The following CAPN8 variants were observed in gnomAD, a reference collection of about 807,000 sequenced individuals.
CAPN8 encodes the protein calpain-8.
Under a neutral mutation model 80.9 loss-of-function variants are expected in CAPN8, and 87 were observed. The observed-to-expected ratio is 1.07, with a 90% CI of 0.90 to 1.28. The LOEUF (loss-of-function observed/expected upper bound fraction) is 1.28. Among genes scored for constraint, CAPN8 ranks in the 50% most tolerant of loss-of-function variants. The probability of loss-of-function intolerance (pLI) is 0.00; values close to 1 mark genes in which losing one functional copy is unlikely to be tolerated. For synonymous variants in CAPN8, 299 were observed against 273.8 expected, an observed-to-expected ratio of 1.09 and a Z score of -0.91; for missense variants, 757 against 702.0, an observed-to-expected ratio of 1.08 and a Z score of -0.89.
intron 2 of CAPN8, among the ~76,000 whole-genome samples, chr1:223,638,874 A>T (rs1293840551): frequency 6.6e-6 from 1 of 152,200 alleles, no homozygotes. Context: ...GAACCTACAA[A>T]TGTACCTCAG....
intron 2 of CAPN8, among the ~76,000 whole-genome samples, chr1:223,629,226 G>A (rs901222354): frequency 2.0e-5 from 3 of 150,636 alleles, no homozygotes; most frequent in South Asian, 2.1e-4. Flanking sequence ...GTGTGTGTGT[G>A]TGTGTTTATG....
intron 7 of CAPN8, 68 bp from the exon 8 acceptor site, chr1:223,620,334 C>T: frequency 3.7e-6 from 5 of 1,356,898 alleles, no homozygotes; most frequent in Non-Finnish European, 4.1e-6. Flanking sequence ...CTGTTTACTG[C>T]AGCTAAGCTT....
At chr1:223,622,444 G>GC (rs1657426227) in intron 7 of CAPN8, among the ~76,000 whole-genome samples, 1 of 152,170 alleles carries the variant, frequency 6.6e-6, no homozygotes, top group South Asian at 2.1e-4. Context: ...GAGGGGTTTG[G>GC]CCTTTGTCAG....
intron 2 of CAPN8, among the ~76,000 whole-genome samples, chr1:223,638,577 A>G (rs1657970107): frequency 1.3e-5 from 2 of 152,074 alleles, no homozygotes; most frequent in African/African-American, 4.8e-5. Flanking sequence ...TTCTTTGCTG[A>G]TAAGGAACAA....
At chr1:223,609,031 C>A (rs1313482599) in intron 12 of CAPN8, 122 bp downstream of exon 12, 2 of 396,260 alleles carry the variant, frequency 5.0e-6, no homozygotes, top group Middle Eastern at 6.2e-4. Context: ...CTTGTAGTTT[C>A]TTAGAGGCTT....
At position 223,544,804 on chromosome 1, in the gene CAPN8, G is replaced by T; in HGVS notation, c.1880C>A (p.Ala627Asp). ...TDYNHSGTID[A>D]HEMRTALRKA... The stretch of plus-strand genomic sequence containing the variant: ...CCTGAGGGCTGTCCTCATCTCGTGG[G>T]CATCGATGGTGCCCGAGTGGTTATA... The change falls in exon 18 of 21, where the codon GCC (alanine) becomes GAC (aspartate). Residue 627 changes from alanine (A) to aspartate (D), a missense_variant. Coordinates refer to ENST00000366872, the MANE Select transcript of CAPN8 (RefSeq NM_001143962.2). The T allele has an allele frequency of 6.4e-7, 1 of 1,551,692 alleles. No individual in the cohort carries two copies.
At position 223,551,016 on chromosome 1, in the gene CAPN8, TC is replaced by T; in HGVS notation, c.1642del (p.Asp548IlefsTer13). On this transcript the variant is annotated frameshift_variant and splice_region_variant, in exon 15 of 21. Coordinates refer to ENST00000366872, the MANE Select transcript of CAPN8 (RefSeq NM_001143962.2). LOFTEE classifies it high-confidence loss of function. ...GAGTGCATTGGCAGTAATCTCAGAA[TC>T]CTAGAAAGAGGAACCCAAATGCAAA... The part of the protein sequence containing the change: ...RRLFEKLAGK[D>X]SEITANALKI... 1.4e-6 allele frequency: 1 copy of T among 718,130 alleles called. No individual in the cohort carries two copies. Among genetic ancestry groups the T allele is most frequent in the Non-Finnish European group, 2.6e-6 (1 of 384,980 alleles). The allele number at this position is 718,130 out of a possible 1,614,324, so 44.5% of individuals were successfully genotyped here. A position where few individuals can be genotyped will look rare whatever the true frequency, so the allele number is the denominator to read the frequency against.
intron 2 of CAPN8, among the ~76,000 whole-genome samples, chr1:223,645,172 C>G (rs1425778937): frequency 6.6e-6 from 1 of 152,132 alleles, no homozygotes; most frequent in Non-Finnish European, 1.5e-5. Flanking sequence ...TGTTCAAGGG[C>G]AGGAAGCATC....
At chr1:223,632,609 A>G (rs1266008107) in intron 2 of CAPN8, among the ~76,000 whole-genome samples, 1 of 152,068 alleles carries the variant, frequency 6.6e-6, no homozygotes, top group Non-Finnish European at 1.5e-5. Flanking sequence ...GCCTCAAGCA[A>G]TCCTCCCACC....
intron 9 of CAPN8, chr1:223,618,277 G>A (rs1425354043): frequency 6.4e-7 from 1 of 1,550,586 alleles, no homozygotes; most frequent in Non-Finnish European, 8.7e-7. Flanking sequence ...CAACCTAGGA[G>A]GAGCCTACAC....
intron 9 of CAPN8, chr1:223,618,202 A>G (rs1482627042): frequency 6.5e-7 from 1 of 1,548,868 alleles, no homozygotes; most frequent in African/African-American, 1.4e-5. Context: ...GCTTTTCTTC[A>G]TTTCTCCTTA....
At chr1:223,638,799 T>G (rs1657975239) in intron 2 of CAPN8, among the ~76,000 whole-genome samples, 2 of 152,156 alleles carry the variant, frequency 1.3e-5, no homozygotes, top group Admixed American at 1.3e-4. Flanking sequence ...TCCTAATCCA[T>G]TCACCCCGTT....
At chr1:223,656,668 G>GTTGTTTTTT (rs1658497061) in intron 1 of CAPN8, among the ~76,000 whole-genome samples, 1 of 94,798 alleles carries the variant, frequency 1.1e-5, no homozygotes, top group African/African-American at 3.7e-5. Flanking sequence ...CACGTTTTGG[G>GTTGTTTTTT]TTTTTTTGTT....
chr1:223,625,832 A>G lies in CAPN8; in HGVS notation c.786T>C (p.His262=), dbSNP rs756390244. The G allele has an allele frequency of 1.9e-6, 3 of 1,551,506 alleles. No homozygotes were observed. Among genetic ancestry groups the G allele is most frequent in the South Asian group, 2.4e-5 (2 of 84,038 alleles). The change falls in exon 6 of 21, where the codon CAT becomes CAC. Residue 262 remains histidine (H), a synonymous_variant. Coordinates refer to ENST00000366872, the MANE Select transcript of CAPN8 (RefSeq NM_001143962.2). Reference sequence around the variant, plus strand: ...CTTCGACTCCAGTGACAGAGTACGCATGACTCTTAACCAGCTTCTGGCTGG... The same window carrying G: ...CTTCGACTCCAGTGACAGAGTACGCGTGACTCTTAACCAGCTTCTGGCTGG... The part of the protein sequence containing the change: ...AITSQKLVKS[H]AYSVTGVEEV...
In CAPN8 at chr1:223,665,497, C is replaced by T; in HGVS notation, c.150G>A (p.Glu50=). 1 of 1,551,880 alleles carries T rather than the reference C, an allele frequency of 6.4e-7. No individual in the cohort carries two copies. Among genetic ancestry groups the T allele is most frequent in the Non-Finnish European group, 8.7e-7 (1 of 1,147,018 alleles). The change falls in exon 1 of 21, where the codon GAG becomes GAA. Residue 50 remains glutamate (E), a synonymous_variant. Coordinates refer to ENST00000366872, the MANE Select transcript of CAPN8 (RefSeq NM_001143962.2). Reference sequence around the variant, plus strand: ...CCAAAGCTGATGGACATGCTGGGAACTCAGGGTCCTTAAATAGGACCCCTG... The same window carrying T: ...CCAAAGCTGATGGACATGCTGGGAATTCAGGGTCCTTAAATAGGACCCCTG... ...LDSGVLFKDP[E]FPACPSALGY... is the part of the protein sequence containing the mutation.
intron 7 of CAPN8, 70 bp from the exon 8 acceptor site, chr1:223,620,336 G>A: frequency 7.4e-7 from 1 of 1,344,168 alleles, no homozygotes; most frequent in South Asian, 1.3e-5. Flanking sequence ...GTTTACTGCA[G>A]CTAAGCTTCC....
In CAPN8 at chr1:223,628,764, C is replaced by A; in HGVS notation, c.324G>T (p.Leu108=). The stretch of plus-strand genomic sequence containing the variant: ...TCAGGGTCAGGGAGGCAATGGCAGC[C>A]AGAAGCCAGCAGTCACCTGCACAGT... ...CQGGLGDCWL[L]AAIASLTLNE... is the part of the protein sequence containing the mutation. The change falls in exon 3 of 21, where the codon CTG becomes CTT. Residue 108 remains leucine, a synonymous_variant. Transcript: ENST00000366872. 3.2e-6 allele frequency: 5 copies of A among 1,554,574 alleles called. No homozygotes were observed. Among genetic ancestry groups the A allele is most frequent in the Non-Finnish European group, 4.4e-6 (5 of 1,148,838 alleles).
intron 2 of CAPN8, among the ~76,000 whole-genome samples, chr1:223,647,377 A>G (rs1440916096): frequency 6.6e-6 from 1 of 152,222 alleles, no homozygotes; most frequent in Non-Finnish European, 1.5e-5. Context: ...TGTAAAATGC[A>G]GATTTACTAA....
chr1:223,549,473 A>G, intron 15 of CAPN8, 91 bp from the exon 16 acceptor site: 1 of 1,539,456 alleles, frequency 6.5e-7, no homozygotes, highest in Non-Finnish European at 8.8e-7. Flanking sequence ...CAAAGATACC[A>G]TCCAAGGGTG....
Sources: gnomAD v4.1 joint callset for allele counts (sites outside exome capture counted in the v4.1 genomes callset) on GRCh38, gnomAD v4.1.1 for gene constraint, MANE v1.5 for transcripts, NCBI Gene and HGNC (gene_info 2026-07-23, HGNC 2026-07-21) for gene names.